DNMT3A: variants seen among roughly 807,000 people sequenced by gnomAD.
DNMT3A encodes DNA (cytosine-5)-methyltransferase 3A.
A neutral mutation model predicts 117.6 loss-of-function variants in DNMT3A; 267 were observed. The observed-to-expected ratio is 2.27, with a 90% CI of 2.05 to 2.51. The LOEUF (loss-of-function observed/expected upper bound fraction) is 2.51. Ranked by LOEUF, DNMT3A falls within the 30% of genes most tolerant of loss-of-function variation. DNMT3A has a pLI of 0.00. For missense variants in DNMT3A, 1,029 were observed against 1,260.2 expected, an observed-to-expected ratio of 0.82 and a Z score of 2.78; for synonymous variants, 432 against 474.8, an observed-to-expected ratio of 0.91 and a Z score of 1.17.
At chr2:25,319,759 T>C (rs2034523277) in intron 1 of DNMT3A, among the ~76,000 whole-genome samples, 1 of 152,020 alleles carries the variant, frequency 6.6e-6, no homozygotes, top group African/African-American at 2.4e-5. Flanking sequence ...ACTGAATAGA[T>C]TTTTTCTTTC....
rs761934754 is a variant in DNMT3A at position 25,240,418 on chromosome 2, G to C, written c.2206C>G (p.Arg736Gly). The change falls in exon 19 of 23, where the codon CGC (arginine) becomes GGC (glycine). Residue 736 changes from arginine (R) to glycine (G), a missense_variant. Arg to Gly is a moderately radical substitution (Grantham distance 125). Transcript: ENST00000321117. ...TTGGGCCGCGCATCATGCAGGAGGC[G>C]GTAGAACTCAAAGAAGAGCCGGCCA... ...GTGRLFFEFYRLLHDARPKEG... is the reference protein window; with the variant it reads ...GTGRLFFEFYGLLHDARPKEG... The C allele has an allele frequency of 1.9e-6, 3 of 1,612,360 alleles. No homozygotes were observed. Among genetic ancestry groups the C allele is most frequent in the East Asian group, 2.2e-5 (1 of 44,892 alleles).
intron 6 of DNMT3A, among the ~76,000 whole-genome samples, chr2:25,255,392 A>G (rs1425064487): frequency 6.6e-6 from 1 of 152,222 alleles, no homozygotes; most frequent in East Asian, 1.9e-4. Context: ...AAAATAAGCC[A>G]TGTTCTTGGA....
At chr2:25,290,519 G>A (rs913762309) in intron 3 of DNMT3A, among the ~76,000 whole-genome samples, 44 of 151,996 alleles carry the variant, frequency 2.9e-4, no homozygotes, top group African/African-American at 9.9e-4. Flanking sequence ...ATGGGGTTTC[G>A]CCATGTTGGC....
In DNMT3A at chr2:25,317,411, G is replaced by T. The variant is rs76050618; in HGVS notation, c.-177-3250C>A. On this transcript the variant is annotated intron_variant, in intron 1 of 22. Coordinates refer to ENST00000321117, the MANE Select transcript of DNMT3A (RefSeq NM_022552.5). ...CACAAGATTAGGCTGAACAAGAGAAGGAATACCACCAACAAAATTGTGGAA... is the reference window on the plus strand; with the variant it reads ...CACAAGATTAGGCTGAACAAGAGAATGAATACCACCAACAAAATTGTGGAA... Among the ~76,000 whole-genome samples the T allele has an allele frequency of 7.0e-3, 1,063 of 152,278 alleles. 2 individuals are homozygous for T. The highest frequency in any genetic ancestry group is 0.011 in the Non-Finnish European group (739 of 68,036).
chr2:25,291,855 G>T (rs923917626), intron 3 of DNMT3A, among the ~76,000 whole-genome samples: 6 of 152,252 alleles, frequency 3.9e-5, no homozygotes, highest in Admixed American at 6.5e-5. Context: ...CCCACTCAGG[G>T]TTCTGTTTCC....
At chr2:25,307,342 T>C (rs2033835652) in intron 2 of DNMT3A, among the ~76,000 whole-genome samples, 1 of 152,004 alleles carries the variant, frequency 6.6e-6, no homozygotes, top group Non-Finnish European at 1.5e-5. Flanking sequence ...CTTTTTCTTT[T>C]TTTTTTCCCA....
At chr2:25,308,591 A>T (rs1463707970) in intron 2 of DNMT3A, among the ~76,000 whole-genome samples, 4 of 151,964 alleles carry the variant, frequency 2.6e-5, no homozygotes, top group Admixed American at 6.5e-5. Context: ...TGAGCGCGCC[A>T]TTATCGCTGG....
intron 4 of DNMT3A, among the ~76,000 whole-genome samples, chr2:25,276,583 C>T (rs908261333): frequency 6.6e-6 from 1 of 152,270 alleles, no homozygotes; most frequent in Non-Finnish European, 1.5e-5. Flanking sequence ...CATCCCCCTG[C>T]ACTCCCCACC....
At chr2:25,241,806 G>A in intron 16 of DNMT3A, 99 bp from the exon 17 acceptor site, 1 of 1,477,606 alleles carries the variant, frequency 6.8e-7, no homozygotes, top group Middle Eastern at 1.7e-4. Context: ...CATGGGGTCA[G>A]CTGTAGGCCC....
At chr2:25,321,319 C>A (rs1481658190) in intron 1 of DNMT3A, among the ~76,000 whole-genome samples, 2 of 152,202 alleles carry the variant, frequency 1.3e-5, no homozygotes, top group Non-Finnish European at 2.9e-5. Flanking sequence ...TGGTCCCCTT[C>A]CAACTCCAAA....
intron 19 of DNMT3A, among the ~76,000 whole-genome samples, chr2:25,239,946 T>G (rs1306706998): frequency 6.6e-6 from 1 of 152,198 alleles, no homozygotes; most frequent in Non-Finnish European, 1.5e-5. Flanking sequence ...AGGCCCTTCT[T>G]GCTCAGGGAA....
At chr2:25,329,390 C>G (rs1011590366) in intron 1 of DNMT3A, among the ~76,000 whole-genome samples, 1 of 152,070 alleles carries the variant, frequency 6.6e-6, no homozygotes, top group Admixed American at 6.6e-5. Context: ...GGGCCTGGCA[C>G]GTGGCAGGTA....
chr2:25,342,153 G>A (rs925125442), upstream of DNMT3A, among the ~76,000 whole-genome samples: 19 of 145,300 alleles, frequency 1.3e-4, no homozygotes, highest in Non-Finnish European at 2.0e-4. This position sits in a 1 kb window ranked among gnomAD's most constrained non-coding sequence, Gnocchi z 5.9. Context: ...AGCCGGCCCG[G>A]GAGGCAGCGC....
Position 25,254,386 on chromosome 2 carries a change from A to G in DNMT3A, c.640-6134T>C, listed in dbSNP as rs1675935177. Among the ~76,000 whole-genome samples the G allele has an allele frequency of 6.6e-6, 1 of 152,068 alleles. No homozygotes were observed. The highest frequency in any genetic ancestry group is 1.5e-5 in the Non-Finnish European group (1 of 68,008). ...CCCTGAAGAGCAAGGACCCCAAACCAGAGAGCCTTCTACCTAGAAGACTTG... is the reference window on the plus strand; with the variant it reads ...CCCTGAAGAGCAAGGACCCCAAACCGGAGAGCCTTCTACCTAGAAGACTTG... On this transcript the variant is annotated intron_variant, in intron 6 of 22. Coordinates refer to ENST00000321117, the MANE Select transcript of DNMT3A (RefSeq NM_022552.5). This position sits in a 1 kb window ranked among gnomAD's most constrained non-coding sequence, Gnocchi z 4.7.
chr2:25,260,996 C>G (rs192789981), intron 6 of DNMT3A, among the ~76,000 whole-genome samples: 295 of 152,058 alleles, frequency 1.9e-3, no homozygotes, highest in African/African-American at 6.8e-3. Flanking sequence ...AAGACTCTGT[C>G]TCAAAAATTA....
At chr2:25,275,446 G>A (rs938600672) in intron 5 of DNMT3A, 54 bp downstream of exon 5, 24 of 897,442 alleles carry the variant, frequency 2.7e-5, no homozygotes, top group African/African-American at 1.5e-4. Context: ...CTCGCCACCC[G>A]TGTCCTTCTT....
Position 25,233,109 on chromosome 2 carries a change from G to A in DNMT3A, c.*1170C>T, listed in dbSNP as rs980576116. On this transcript the variant is annotated 3_prime_UTR_variant, in exon 23 of 23. Transcript: ENST00000321117. ...GTGAGAAACTGGGCCTGAAGACTCCGTACCCTCTGCCATCTTGCCGAGGGA... is the reference window on the plus strand; with the variant it reads ...GTGAGAAACTGGGCCTGAAGACTCCATACCCTCTGCCATCTTGCCGAGGGA... 7.3e-5 allele frequency: 17 copies of A among 233,644 alleles called. No homozygotes were observed. Among genetic ancestry groups the A allele is most frequent in the South Asian group, 3.6e-4 (2 of 5,514 alleles). The allele number at this position is 233,644 out of a possible 1,614,324, so 14.5% of individuals were successfully genotyped here.
intron 6 of DNMT3A, among the ~76,000 whole-genome samples, chr2:25,264,755 C>A (rs2030129676): frequency 6.6e-6 from 1 of 152,182 alleles, no homozygotes; most frequent in South Asian, 2.1e-4. Flanking sequence ...AGCCACCACC[C>A]CCGGCCAAAA....
intron 1 of DNMT3A, among the ~76,000 whole-genome samples, chr2:25,335,807 A>G (rs947272158): frequency 2.6e-5 from 4 of 152,190 alleles, no homozygotes; most frequent in Admixed American, 2.6e-4. Context: ...AGCAGAGAGG[A>G]AAGATCAATA....
Sources: gnomAD v4.1 joint callset for allele counts (sites outside exome capture counted in the v4.1 genomes callset) on GRCh38, gnomAD v4.1.1 for gene constraint, Gnocchi (gnomAD v3.1) non-coding constraint, MANE v1.5 for transcripts, NCBI Gene and HGNC (gene_info 2026-07-23, HGNC 2026-07-21) for gene names.